DCC: variants seen among roughly 807,000 people sequenced by gnomAD.
DCC encodes the protein DCC netrin 1 receptor.
A neutral mutation model predicts 172.5 loss-of-function variants in DCC; 58 were observed. The ratio of observed to expected loss-of-function variants is 0.34; its 90% CI spans 0.27 to 0.42. The LOEUF is 0.42. Ranked by LOEUF, DCC falls within the 10% of genes least tolerant of loss-of-function variation. DCC has a pLI of 1.00. For synonymous variants in DCC, 709 were observed against 644.5 expected, an observed-to-expected ratio of 1.10 and a Z score of -1.52; for missense variants, 1,740 against 1,791.0, an observed-to-expected ratio of 0.97 and a Z score of 0.51.
At chr18:52,358,754 T>C (rs1467967102) in intron 1 of DCC, among the ~76,000 whole-genome samples, 1 of 152,240 alleles carries the variant, frequency 6.6e-6, no homozygotes, top group South Asian at 2.1e-4. Context: ...TATCTTCTGC[T>C]AGGCATCTTC....
At chr18:53,343,666 G>A (rs997937582) in intron 15 of DCC, among the ~76,000 whole-genome samples, 23 of 151,774 alleles carry the variant, frequency 1.5e-4, no homozygotes, top group African/African-American at 5.1e-4. Flanking sequence ...AGTTAGATTG[G>A]CTCATAAAAT....
chr18:53,136,193 T>TTATATATCTATCTATC, intron 7 of DCC, among the ~76,000 whole-genome samples: 1 of 149,064 alleles, frequency 6.7e-6, no homozygotes, highest in South Asian at 2.1e-4. Context: ...GCATGTGATT[T>TTATATATCTATCTATC]TATCTATCTA....
At position 52,637,980 on chromosome 18, in the gene DCC, C is replaced by T. The variant is rs527952021; in HGVS notation, c.92-114074C>T. Among the ~76,000 whole-genome samples, 6 of 152,242 alleles carry T rather than the reference C, an allele frequency of 3.9e-5. No homozygotes were observed. The East Asian group carries it at 1.2e-3, about 29-fold the overall frequency. Reference sequence around the variant, plus strand: ...TAACAGCAGATTTCTCAGCAGAAACCCTACAAGCTGGAAGGGATTGGGGCC... The same window carrying T: ...TAACAGCAGATTTCTCAGCAGAAACTCTACAAGCTGGAAGGGATTGGGGCC... On this transcript the variant is annotated intron_variant, in intron 1 of 28. Coordinates refer to ENST00000442544, the MANE Select transcript of DCC (RefSeq NM_005215.4).
At chr18:52,379,561 C>T in intron 1 of DCC, among the ~76,000 whole-genome samples, 1 of 152,194 alleles carries the variant, frequency 6.6e-6, no homozygotes, top group East Asian at 1.9e-4. Context: ...CTTTAATTCA[C>T]TTTCCTAGCT....
chr18:52,728,172 C>CATCT (rs556057258), intron 1 of DCC, among the ~76,000 whole-genome samples: 1 of 139,620 alleles, frequency 7.2e-6, no homozygotes, highest in African/African-American at 2.7e-5. Flanking sequence ...TTGTGGGCCC[C>CATCT]GTCTCTCTCT....
chr18:53,482,786 G>C (rs557889225), intron 25 of DCC, among the ~76,000 whole-genome samples: 1 of 151,930 alleles, frequency 6.6e-6, no homozygotes, highest in Non-Finnish European at 1.5e-5. Flanking sequence ...TGACTGCAGT[G>C]ATCCATTTGA....
At chr18:52,610,166 AAAAAAAAAAAAAAT>A (rs2034229505) in intron 1 of DCC, among the ~76,000 whole-genome samples, 2 of 25,264 alleles carry the variant, frequency 7.9e-5, no homozygotes, top group African/African-American at 4.0e-4. Context: ...AAAAAAAAAA[AAAAAAAAAAAAAAT>A]ATATATATAT....
intron 7 of DCC, among the ~76,000 whole-genome samples, chr18:53,121,566 C>T (rs927755416): frequency 1.3e-5 from 2 of 151,814 alleles, no homozygotes; most frequent in Non-Finnish European, 2.9e-5. Context: ...CTCTGTTCCC[C>T]AGGATTATTT....
At chr18:53,405,293 TA>T (rs1384031441) in intron 19 of DCC, among the ~76,000 whole-genome samples, 1 of 152,132 alleles carries the variant, frequency 6.6e-6, no homozygotes, top group Non-Finnish European at 1.5e-5. Flanking sequence ...TTTGTTTTCC[TA>T]AATCTTTCAT....
chr18:52,752,021 A>G (rs2037002223), intron 1 of DCC, 33 bp from the exon 2 acceptor site: 1 of 1,573,106 alleles, frequency 6.4e-7, no homozygotes. Flanking sequence ...ATTTGAATAC[A>G]TGAACATATT....
intron 7 of DCC, among the ~76,000 whole-genome samples, chr18:53,114,762 T>G (rs775597774): frequency 1.3e-5 from 2 of 151,628 alleles, no homozygotes; most frequent in Non-Finnish European, 3.0e-5. Flanking sequence ...GCCAGGGCTA[T>G]AGATTTCTGT....
At chr18:53,334,163 G>T (rs1369625378) in intron 14 of DCC, among the ~76,000 whole-genome samples, 1 of 152,044 alleles carries the variant, frequency 6.6e-6, no homozygotes, top group African/African-American at 2.4e-5. Context: ...CAATTTTATG[G>T]TCTCCATGTT....
intron 3 of DCC, among the ~76,000 whole-genome samples, chr18:52,921,534 A>G (rs1440303252): frequency 2.0e-5 from 3 of 151,826 alleles, no homozygotes; most frequent in African/African-American, 7.3e-5. Context: ...CTCCATCTCT[A>G]CTAAAAATAC....
intron 9 of DCC, among the ~76,000 whole-genome samples, chr18:53,200,336 A>G (rs887513172): frequency 6.6e-6 from 1 of 152,328 alleles, no homozygotes; most frequent in Admixed American, 6.5e-5. Context: ...CCCTTTTAGT[A>G]ACAATGATGA....
chr18:53,158,980 C>T (rs192615053), intron 8 of DCC, among the ~76,000 whole-genome samples: 85 of 84,250 alleles, frequency 1.0e-3, no homozygotes, highest in African/African-American at 3.5e-3. Context: ...GCAACAGAGA[C>T]GCCATCTCAA....
intron 2 of DCC, among the ~76,000 whole-genome samples, chr18:52,782,394 C>T (rs539875761): frequency 6.6e-6 from 1 of 152,060 alleles, no homozygotes; most frequent in Non-Finnish European, 1.5e-5. Flanking sequence ...TAAGTATTTA[C>T]AAGTCAGGAG....
intron 1 of DCC, among the ~76,000 whole-genome samples, chr18:52,497,267 A>C (rs1413088973): frequency 1.1e-4 from 2 of 17,920 alleles, no homozygotes; most frequent in African/African-American, 3.6e-4. Flanking sequence ...TATCAAAAAA[A>C]AAAAAAAAAA....
intron 15 of DCC, among the ~76,000 whole-genome samples, chr18:53,365,303 T>A (rs955434298): frequency 6.6e-6 from 1 of 152,068 alleles, no homozygotes; most frequent in Admixed American, 6.6e-5. Flanking sequence ...TGTGCCACAT[T>A]TTCTTAATCC....
chr18:53,143,701 G>A (rs1054144199), intron 7 of DCC, among the ~76,000 whole-genome samples: 9 of 152,302 alleles, frequency 5.9e-5, no homozygotes, highest in East Asian at 5.8e-4. Flanking sequence ...CTGCAGAATC[G>A]CAAACTACAT....
Sources: allele counts gnomAD v4.1 joint callset (sites outside exome capture counted in the v4.1 genomes callset), GRCh38; gene constraint gnomAD v4.1.1; transcripts MANE v1.5; gene names NCBI Gene and HGNC (gene_info 2026-07-23, HGNC 2026-07-21).